Variants in PCDH9 observed in about 807,000 individuals in gnomAD.
PCDH9 encodes the protein protocadherin-9.
Under a neutral mutation model 70.6 loss-of-function variants are expected in PCDH9, and 24 were observed. That is an observed-to-expected ratio of 0.34 (90% confidence interval 0.25 to 0.48). The LOEUF is 0.48. PCDH9 is among the 20% of genes least tolerant of loss of function. The pLI is 0.99. For synonymous variants in PCDH9, 562 were observed against 558.5 expected (o/e 1.01, Z -0.09); for missense variants, 1,281 against 1,503.6 (o/e 0.85, Z 2.45).
At chr13:67,172,368 TATAGA>T (rs2088312352) in intron 2 of PCDH9, among the ~76,000 whole-genome samples, 1 of 152,262 alleles carries the variant, frequency 6.6e-6, no homozygotes, top group East Asian at 1.9e-4. Flanking sequence ...ATGCCCTTTC[TATAGA>T]AAGATAAGCA....
At chr13:66,365,358 C>T (rs1005015524) in intron 4 of PCDH9, among the ~76,000 whole-genome samples, 15 of 152,160 alleles carry the variant, frequency 9.9e-5, no homozygotes, top group African/African-American at 3.6e-4. Context: ...ACAGTTGGTT[C>T]TCTCCTTCAG....
chr13:66,812,042 A>G (rs1335624956), intron 3 of PCDH9, among the ~76,000 whole-genome samples: 1 of 152,084 alleles, frequency 6.6e-6, no homozygotes, highest in Non-Finnish European at 1.5e-5. Flanking sequence ...ACGTTGCACC[A>G]AATTTGTAGT....
At chr13:66,520,589 T>C (rs996654923) in intron 4 of PCDH9, among the ~76,000 whole-genome samples, 5 of 152,214 alleles carry the variant, frequency 3.3e-5, no homozygotes, top group African/African-American at 1.2e-4. Context: ...ATCTATCGAA[T>C]ATCTGATTAT....
intron 2 of PCDH9, among the ~76,000 whole-genome samples, chr13:67,124,695 T>G (rs772041870): frequency 7.9e-5 from 12 of 152,338 alleles, no homozygotes; most frequent in Non-Finnish European, 1.3e-4. Context: ...TTATTGTTGA[T>G]GTAGATCATT....
chr13:66,626,307 T>TTA (rs2077498323), intron 4 of PCDH9, among the ~76,000 whole-genome samples: 1 of 152,128 alleles, frequency 6.6e-6, no homozygotes, highest in South Asian at 2.1e-4. Flanking sequence ...TGAGGCTAGA[T>TTA]TACATCGTAG....
intron 2 of PCDH9, among the ~76,000 whole-genome samples, chr13:67,163,198 A>G (rs979423143): frequency 6.6e-6 from 1 of 152,188 alleles, no homozygotes; most frequent in Non-Finnish European, 1.5e-5. Flanking sequence ...CAGCCCCGAA[A>G]AATAAAAATG....
chr13:66,453,050 A>T (rs1362224254), intron 4 of PCDH9, among the ~76,000 whole-genome samples: 6 of 152,158 alleles, frequency 3.9e-5, no homozygotes, highest in Admixed American at 3.9e-4. Flanking sequence ...ACAGCACAGG[A>T]TAAGACATTT....
chr13:67,126,021 T>A (rs1288516552), intron 2 of PCDH9, among the ~76,000 whole-genome samples: 1 of 152,150 alleles, frequency 6.6e-6, no homozygotes, highest in African/African-American at 2.4e-5. Context: ...TTCCTAGCAG[T>A]CTATCAGTAA....
intron 3 of PCDH9, among the ~76,000 whole-genome samples, chr13:66,901,437 G>C (rs989260841): frequency 4.6e-5 from 7 of 151,674 alleles, no homozygotes; most frequent in Admixed American, 2.6e-4. Flanking sequence ...GATCATCAGG[G>C]ATGGGTAGGA....
At chr13:66,718,982 A>C (rs570415019) in intron 3 of PCDH9, among the ~76,000 whole-genome samples, 1 of 152,210 alleles carries the variant, frequency 6.6e-6, no homozygotes, top group East Asian at 1.9e-4. Flanking sequence ...AGTGATCAAG[A>C]ACATTGTTGA....
chr13:66,839,156 G>C (rs1287055148), intron 3 of PCDH9, among the ~76,000 whole-genome samples: 2 of 151,454 alleles, frequency 1.3e-5, no homozygotes, highest in African/African-American at 4.9e-5. Flanking sequence ...AGAATATTCT[G>C]AGATATATAT....
chr13:66,401,938 C>G (rs1432384044), intron 4 of PCDH9, among the ~76,000 whole-genome samples: 3 of 152,136 alleles, frequency 2.0e-5, no homozygotes. Flanking sequence ...GGTGACTAAA[C>G]AGTATAAATC....
At chr13:66,842,440 C>T (rs946739342) in intron 3 of PCDH9, among the ~76,000 whole-genome samples, 4 of 152,154 alleles carry the variant, frequency 2.6e-5, no homozygotes, top group African/African-American at 9.7e-5. Flanking sequence ...CTCTTCCTCT[C>T]TCGCCCTTTT....
At chr13:66,691,964 G>A (rs1324827736) in intron 3 of PCDH9, among the ~76,000 whole-genome samples, 2 of 152,150 alleles carry the variant, frequency 1.3e-5, no homozygotes, top group Non-Finnish European at 2.9e-5. Context: ...TAAATTTTTA[G>A]AAATCCACCA....
intron 4 of PCDH9, among the ~76,000 whole-genome samples, chr13:66,495,226 T>C (rs1305808046): frequency 6.6e-6 from 1 of 152,212 alleles, no homozygotes; most frequent in Non-Finnish European, 1.5e-5. Flanking sequence ...TTTGTTAGCA[T>C]GTTTCAATAT....
At chr13:66,396,590 CAGAT>C (rs1251424372) in intron 4 of PCDH9, among the ~76,000 whole-genome samples, 1 of 136,106 alleles carries the variant, frequency 7.3e-6, no homozygotes, top group East Asian at 2.2e-4. Context: ...GATAGACAGA[CAGAT>C]AGATAGACAA....
intron 3 of PCDH9, among the ~76,000 whole-genome samples, chr13:66,872,667 G>A (rs978743872): frequency 2.6e-5 from 4 of 151,878 alleles, no homozygotes; most frequent in Non-Finnish European, 5.9e-5. Flanking sequence ...ACAATTGAAT[G>A]CAAAACTAAA....
intron 2 of PCDH9, among the ~76,000 whole-genome samples, chr13:67,024,768 C>T (rs991133586): frequency 2.6e-5 from 4 of 151,972 alleles, no homozygotes; most frequent in African/African-American, 9.7e-5. Context: ...GCAGAATAAA[C>T]TTAAAATGTG....
intron 4 of PCDH9, among the ~76,000 whole-genome samples, chr13:66,577,602 C>T (rs1209387370): frequency 1.3e-5 from 2 of 151,894 alleles, no homozygotes; most frequent in Admixed American, 1.3e-4. Context: ...AGTTCATATC[C>T]TTATTTCTAT....
Sources: allele counts gnomAD v4.1 joint callset (sites outside exome capture counted in the v4.1 genomes callset), GRCh38; gene constraint gnomAD v4.1.1; transcripts MANE v1.5; gene names NCBI Gene and HGNC (gene_info 2026-07-23, HGNC 2026-07-21).